The following ZBTB45 variants were observed in gnomAD, a reference collection of about 807,000 sequenced individuals.
The protein encoded by ZBTB45 is zinc finger and BTB domain containing 45, also known as zinc finger and BTB domain-containing protein 45.
A neutral mutation model predicts 28.4 loss-of-function variants in ZBTB45; 22 were observed. The ratio of observed to expected loss-of-function variants is 0.77; its 90% CI spans 0.55 to 1.10. The LOEUF is 1.10. Ranked by LOEUF, ZBTB45 falls within the 50% of genes least tolerant of loss-of-function variation. The pLI, the probability that ZBTB45 is intolerant of heterozygous loss-of-function variation, is 0.00. For synonymous variants in ZBTB45, 361 were observed against 332.3 expected (o/e 1.09, Z -0.94); for missense variants, 656 against 750.2 (o/e 0.87, Z 1.47).
chr19:58,525,710 TG>T (rs1049945402), intron 1 of ZBTB45, among the ~76,000 whole-genome samples: 1 of 151,964 alleles, frequency 6.6e-6, no homozygotes, highest in African/African-American at 2.4e-5. Flanking sequence ...CAAAGGCAGG[TG>T]GGGGCAAGGA....
chr19:58,529,754 C>G (rs1409719906), intron 1 of ZBTB45, among the ~76,000 whole-genome samples: 2 of 152,180 alleles, frequency 1.3e-5, no homozygotes, highest in African/African-American at 4.8e-5. Flanking sequence ...GCTATCCCTC[C>G]CCTAGACCCC....
chr19:58,524,051 G>A (rs1018228469), upstream of ZBTB45, among the ~76,000 whole-genome samples: 2 of 114,502 alleles, frequency 1.7e-5, no homozygotes, highest in Admixed American at 2.0e-4. Context: ...TCCAGCCTGG[G>A]AGACTCTGTC....
At chr19:58,537,565 C>T (rs2122602533) in intron 1 of ZBTB45, among the ~76,000 whole-genome samples, 1 of 152,196 alleles carries the variant, frequency 6.6e-6, no homozygotes, top group African/African-American at 2.4e-5. Flanking sequence ...TGAGCACCTC[C>T]CACCACTCCT....
intron 1 of ZBTB45, among the ~76,000 whole-genome samples, chr19:58,526,535 T>A (rs1266656850): frequency 0.041 from 5,284 of 127,946 alleles, 158 homozygotes; most frequent in East Asian, 0.15. Context: ...ATTTTTTTTT[T>A]TTTTTTTTTT....
Position 58,514,197 on chromosome 19 carries a change from C to G in ZBTB45, c.1393G>C (p.Ala465Pro), listed in dbSNP as rs769306427. The G allele has an allele frequency of 6.2e-7, 1 of 1,612,558 alleles. No individual in the cohort carries two copies. The highest frequency in any genetic ancestry group is 1.1e-5 in the South Asian group (1 of 91,032). ...GAGCTCTTCTGCGTGAAGCGCTTGG[C>G]GCAGACGGCGCACTGGAAGGCGCGC... ...GVRAFQCAVC[A>P]KRFTQKSSLN... The change falls in exon 3 of 3, where the codon GCC becomes CCC. Residue 465 changes from alanine (A) to proline (P), a missense_variant. By Grantham distance (27) the Ala-to-Pro change is conservative. Transcript: ENST00000594051.
At chr19:58,528,462 C>CAA (rs376159411) in intron 1 of ZBTB45, among the ~76,000 whole-genome samples, 4 of 128,364 alleles carry the variant, frequency 3.1e-5, no homozygotes, top group South Asian at 2.5e-4. Context: ...GACTAGTTCT[C>CAA]AAAAAAAAAA....
chr19:58,524,189 C>G (rs1480644118), upstream of ZBTB45, among the ~76,000 whole-genome samples: 1 of 151,090 alleles, frequency 6.6e-6, no homozygotes. Flanking sequence ...TGGCAAAACC[C>G]CGTCTCCACT....
At chr19:58,538,804 C>G (rs1185308013) in exon 1 of ZBTB45, 2 of 152,290 alleles carry the variant, frequency 1.3e-5, no homozygotes, top group Non-Finnish European at 2.9e-5. Flanking sequence ...CGCCCCCAGC[C>G]GTTGTCACCT....
Position 58,513,983 on chromosome 19 carries a change from C to G in ZBTB45, c.*71G>C. On this transcript the variant is annotated 3_prime_UTR_variant, in exon 3 of 3. Transcript: ENST00000594051. The stretch of plus-strand genomic sequence containing the variant: ...TGGTCTAGTGGCGGGAACCACGGGT[C>G]CCGCAGCGGGCGTGGCCGACTGTGC... The G allele has an allele frequency of 7.4e-7, 1 of 1,347,436 alleles. No homozygotes were observed. Among genetic ancestry groups the G allele is most frequent in the Admixed American group, 3.9e-5 (1 of 25,506 alleles). The allele number at this position is 1,347,436 out of a possible 1,614,324, so 83.5% of individuals were successfully genotyped here.
chr19:58,529,967 C>T (rs1231591612), intron 1 of ZBTB45, among the ~76,000 whole-genome samples: 1 of 152,140 alleles, frequency 6.6e-6, no homozygotes, highest in African/African-American at 2.4e-5. Context: ...CTTTGGGAAG[C>T]CAAGGCAGGT....
intron 1 of ZBTB45, among the ~76,000 whole-genome samples, chr19:58,530,209 G>GCGCA (rs1555797435): frequency 6.1e-5 from 9 of 148,508 alleles, no homozygotes; most frequent in African/African-American, 2.2e-4. Context: ...GAGAGCGCAT[G>GCGCA]CACACACACA....
In ZBTB45 at chr19:58,516,918, C is replaced by T. The variant is rs139996055; in HGVS notation, c.756G>A (p.Ala252=). 3.3e-5 allele frequency: 53 copies of T among 1,613,174 alleles called. No homozygotes were observed. The highest frequency in any genetic ancestry group is 1.2e-4 in the South Asian group (11 of 91,094). ...CAGTGGGTGCAGGGGGCTCCTCGCA[C>T]GCGCTGTCAGCAGCAGCAGTGAGGA... The part of the protein sequence containing the change: ...AGFLTAAADS[A]CEEPPAPTGL... Residue 252 remains alanine, a synonymous_variant, in exon 2 of 3, where the codon GCG becomes GCA. Coordinates refer to ENST00000594051, the MANE Select transcript of ZBTB45 (RefSeq NM_001316979.2). The surrounding 1 kb of genome is among the most constrained non-coding windows in gnomAD (Gnocchi z 6.2).
At chr19:58,526,660 T>C (rs1600067958) in intron 1 of ZBTB45, among the ~76,000 whole-genome samples, 3 of 142,590 alleles carry the variant, frequency 2.1e-5, no homozygotes, top group Non-Finnish European at 3.1e-5. Context: ...GCCTCCCAAG[T>C]AGCTGGGACT....
At chr19:58,524,416 T>C (rs2053595656), upstream of ZBTB45, among the ~76,000 whole-genome samples, 1 of 142,914 alleles carries the variant, frequency 7.0e-6, no homozygotes, top group African/African-American at 2.7e-5. Context: ...TGTGTGTGTG[T>C]GTGTGTGTGT....
chr19:58,528,257 A>G lies in ZBTB45; in HGVS notation c.-1+10444T>C, dbSNP rs143136967. Among the ~76,000 whole-genome samples, 105 of 151,342 alleles carry G rather than the reference A, an allele frequency of 6.9e-4. 2 individuals are homozygous for G. The East Asian group carries it at 0.019, about 28-fold the overall frequency. On this transcript the variant is annotated intron_variant, in intron 1 of 1. Transcript: ENST00000600130. ...CTTCCTGTTTACAGGAGACTATAAAACTCCTGCCCTGTCCTTACTTGGGAC... is the reference window on the plus strand; with the variant it reads ...CTTCCTGTTTACAGGAGACTATAAAGCTCCTGCCCTGTCCTTACTTGGGAC...
intron 2 of ZBTB45, among the ~76,000 whole-genome samples, chr19:58,514,554 A>T (rs2047352776): frequency 6.6e-6 from 1 of 151,894 alleles, no homozygotes; most frequent in African/African-American, 2.4e-5. Context: ...CCCAACAGGG[A>T]TCCTCATACA....
chr19:58,521,082 A>AAAAAAAAT, upstream of ZBTB45, among the ~76,000 whole-genome samples: 1 of 67,872 alleles, frequency 1.5e-5, no homozygotes, highest in African/African-American at 5.2e-5. Context: ...AAAAAAAAAA[A>AAAAAAAAT]GGCCGGGCGC....
At position 58,518,581 on chromosome 19, in the gene ZBTB45, C is replaced by T. The variant is rs576986762; in HGVS notation, c.1-908G>A. Among the ~76,000 whole-genome samples, 18 of 152,034 alleles carry T rather than the reference C, an allele frequency of 1.2e-4. No individual in the cohort carries two copies. The South Asian group carries it at 3.1e-3, about 26-fold the overall frequency. ...ACTGGATAGCTGCCCATGGAGTAAT[C>T]GGGGACACGGCCCAACATCAGGCAC... On this transcript the variant is annotated intron_variant, in intron 1 of 2. Transcript: ENST00000594051.
upstream of ZBTB45, among the ~76,000 whole-genome samples, chr19:58,523,744 C>G: frequency 7.3e-6 from 1 of 137,142 alleles, no homozygotes. Context: ...AATCCTGGCT[C>G]ACTGCAAGCT....
Sources: gnomAD v4.1 joint callset for allele counts (sites outside exome capture counted in the v4.1 genomes callset) on GRCh38, gnomAD v4.1.1 for gene constraint, Gnocchi (gnomAD v3.1) non-coding constraint, MANE v1.5 for transcripts, NCBI Gene and HGNC (gene_info 2026-07-23, HGNC 2026-07-21) for gene names.